The following DNAH8 variants were observed in gnomAD, a reference collection of about 807,000 sequenced individuals.
DNAH8 encodes the protein axonemal beta dynein heavy chain 8.
A neutral mutation model predicts 562.1 loss-of-function variants in DNAH8; 382 were observed. The observed-to-expected ratio is 0.68, with a 90% CI of 0.63 to 0.74. The LOEUF (loss-of-function observed/expected upper bound fraction) is 0.74, where lower values mean the gene tolerates loss of function less well. Among genes scored for constraint, DNAH8 ranks in the 30% least tolerant of loss-of-function variants. DNAH8 has a pLI of 0.00. For missense variants in DNAH8, 5,203 were observed against 5,620.4 expected, an observed-to-expected ratio of 0.93 and a Z score of 2.37; for synonymous variants, 1,881 against 1,919.4, an observed-to-expected ratio of 0.98 and a Z score of 0.52.
Position 38,745,891 on chromosome 6 carries a change from C to T in DNAH8, c.1293+4004C>T, listed in dbSNP as rs77514185. Among the ~76,000 whole-genome samples, 898 of 152,304 alleles carry T rather than the reference C, an allele frequency of 5.9e-3. 6 individuals are homozygous for T. Among genetic ancestry groups the T allele is most frequent in the African/African-American group, 0.021 (858 of 41,552 alleles). On this transcript the variant is annotated intron_variant, in intron 8 of 92. Transcript: ENST00000327475. The stretch of plus-strand genomic sequence containing the variant: ...CAGAGTTGATGTGCTCTTCCCAGTA[C>T]GACTTACCAGGCGGTCCATTATATT...
At chr6:38,734,341 A>C in intron 4 of DNAH8, 133 bp from the exon 5 acceptor site, 1 of 791,780 alleles carries the variant, frequency 1.3e-6, no homozygotes, top group Non-Finnish European at 1.7e-6. Context: ...CCCCCAAAAA[A>C]ATTATTCTAT....
intron 8 of DNAH8, among the ~76,000 whole-genome samples, chr6:38,745,161 T>C (rs1764824437): frequency 6.6e-6 from 1 of 152,184 alleles, no homozygotes; most frequent in South Asian, 2.1e-4. Context: ...AAACTCAGTA[T>C]TCCTCACCTG....
At chr6:38,969,655 GGAT>G (rs1387600463) in intron 82 of DNAH8, among the ~76,000 whole-genome samples, 2 of 148,064 alleles carry the variant, frequency 1.4e-5, no homozygotes, top group Non-Finnish European at 1.5e-5. Context: ...AGGCTGTTAT[GGAT>G]GGAGGAAAGT....
chr6:38,947,193 ACTC>A (rs1761502394), intron 80 of DNAH8, among the ~76,000 whole-genome samples: 1 of 151,858 alleles, frequency 6.6e-6, no homozygotes, highest in Non-Finnish European at 1.5e-5. Context: ...TTTCTCTCCC[ACTC>A]CTCTTACACC....
Position 38,778,483 on chromosome 6 carries a change from G to A in DNAH8, c.2039+19G>A. 8 of 1,446,066 alleles carry A rather than the reference G, an allele frequency of 5.5e-6. No individual in the cohort carries two copies. Among genetic ancestry groups the A allele is most frequent in the East Asian group, 4.6e-5 (2 of 43,738 alleles). The allele number at this position is 1,446,066 out of a possible 1,614,324, so 89.6% of individuals were successfully genotyped here. On this transcript the variant is annotated intron_variant, in intron 14 of 92. Coordinates refer to ENST00000327475, the MANE Select transcript of DNAH8 (RefSeq NM_001206927.2). ...TTCAAAGGTATTCATAACACTTTAAGCAGAGTAGTTTCTGGGGGGAATAAC... is the reference window on the plus strand; with the variant it reads ...TTCAAAGGTATTCATAACACTTTAAACAGAGTAGTTTCTGGGGGGAATAAC...
chr6:38,834,108 C>G (rs1179143649), intron 31 of DNAH8, among the ~76,000 whole-genome samples: 1 of 152,132 alleles, frequency 6.6e-6, no homozygotes, highest in Non-Finnish European at 1.5e-5. Flanking sequence ...TTGGGCTGAA[C>G]AGTTATTAAA....
rs765217828 is a variant in DNAH8 at position 38,737,081 on chromosome 6, T to A, written c.777T>A (p.Thr259=). Residue 259 remains threonine (T), a synonymous_variant, in exon 6 of 93, where the codon ACT becomes ACA. Coordinates refer to ENST00000327475, the MANE Select transcript of DNAH8 (RefSeq NM_001206927.2). ...CACCCTTTCAGGAAGCGCTCTTTAC[T>A]GTTCTGGATGCGTCGAAAGGACTCT... ...VKTIQEEALF[T]VLDASKGLLN... is the part of the protein sequence containing the mutation. 1.3e-6 allele frequency: 2 copies of A among 1,532,750 alleles called. No individual in the cohort carries two copies. The highest frequency in any genetic ancestry group is 1.7e-6 in the Non-Finnish European group (2 of 1,148,452). The allele number at this position is 1,532,750 out of a possible 1,614,324, so 94.9% of individuals were successfully genotyped here.
intron 26 of DNAH8, among the ~76,000 whole-genome samples, chr6:38,819,589 G>T (rs1772625245): frequency 6.6e-6 from 1 of 151,962 alleles, no homozygotes; most frequent in African/African-American, 2.4e-5. Context: ...ATAAAATGAA[G>T]AATAAAGAAG....
At chr6:38,845,859 C>A in intron 36 of DNAH8, 86 bp downstream of exon 36, 1 of 1,119,864 alleles carries the variant, frequency 8.9e-7, no homozygotes, top group Non-Finnish European at 1.3e-6. Flanking sequence ...AAAGCTCTTT[C>A]ATTGGATGGA....
chr6:38,773,078 A>G (rs1055506744), intron 12 of DNAH8, among the ~76,000 whole-genome samples: 3 of 147,002 alleles, frequency 2.0e-5, no homozygotes, highest in Admixed American at 7.0e-5. Flanking sequence ...CAGCCTCCCA[A>G]AGTGCTGGAA....
intron 5 of DNAH8, among the ~76,000 whole-genome samples, chr6:38,736,263 A>T (rs900277824): frequency 3.3e-5 from 5 of 152,196 alleles, no homozygotes; most frequent in African/African-American, 1.2e-4. Flanking sequence ...ACTTAGCTAA[A>T]TATTTGTTTA....
chr6:38,982,636 C>CA (rs1561941166), intron 86 of DNAH8, among the ~76,000 whole-genome samples, 174 bp downstream of exon 86: 1 of 152,182 alleles, frequency 6.6e-6, no homozygotes, highest in African/African-American at 2.4e-5. Flanking sequence ...CTGCCCCCAA[C>CA]ACTCACATAC....
Position 38,857,551 on chromosome 6 carries a change from C to T in DNAH8, c.5767C>T (p.His1923Tyr). The part of the protein sequence containing the change: ...GLLGIQMLWT[H>Y]DSEEALRNAK... ...TCTGGGAATTCAGATGTTGTGGACA[C>T]ACGATTCAGAAGAGGCTTTACGTAA... The change falls in exon 42 of 93, where the codon CAC (histidine) becomes TAC (tyrosine). Residue 1923 changes from histidine (H) to tyrosine (Y), a missense_variant. Physicochemically the swap from His to Tyr is moderately conservative, Grantham distance 83 (BLOSUM62 2). Around this residue, in one of 6 missense-constraint regions of DNAH8, gnomAD observed 2,176 missense variants for 2,365.1 expected, o/e 0.92. Transcript: ENST00000327475. The T allele has an allele frequency of 1.9e-6, 3 of 1,613,544 alleles. No individual in the cohort carries two copies. Among genetic ancestry groups the T allele is most frequent in the Non-Finnish European group, 1.7e-6 (2 of 1,179,688 alleles).
chr6:38,844,060 C>G (rs1429146607), intron 35 of DNAH8, among the ~76,000 whole-genome samples: 1 of 152,058 alleles, frequency 6.6e-6, no homozygotes, highest in African/African-American at 2.4e-5. Flanking sequence ...GTCCACAGTT[C>G]CATTAAATCT....
At chr6:38,925,481 C>A (rs1782047174) in intron 73 of DNAH8, among the ~76,000 whole-genome samples, 1 of 151,914 alleles carries the variant, frequency 6.6e-6, no homozygotes, top group Admixed American at 6.6e-5. Flanking sequence ...TAGGCATGAA[C>A]CACTGCGCCT....
At chr6:38,908,234 T>C in intron 64 of DNAH8, 114 bp downstream of exon 64, 5 of 599,930 alleles carry the variant, frequency 8.3e-6, no homozygotes, top group Non-Finnish European at 1.1e-5. Flanking sequence ...TTACATTGAA[T>C]TAAAATTAAC....
chr6:39,030,611 A>T lies in DNAH8; in HGVS notation c.*219A>T. The T allele has an allele frequency of 2.0e-6, 1 of 488,592 alleles. No individual in the cohort carries two copies. The highest frequency in any genetic ancestry group is 3.6e-6 in the Non-Finnish European group (1 of 277,310). The allele number at this position is 488,592 out of a possible 1,614,324, so 30.3% of individuals were successfully genotyped here. ...TGAATGTTTTTTATTCTGGGAAATC[A>T]TATTTCACTATAATTACTTTTTAAA... On this transcript the variant is annotated 3_prime_UTR_variant, in exon 93 of 93. Transcript: ENST00000327475.
At chr6:38,779,393 GTCTC>G (rs1224484685) in intron 14 of DNAH8, among the ~76,000 whole-genome samples, 4 of 151,262 alleles carry the variant, frequency 2.6e-5, no homozygotes, top group Non-Finnish European at 3.0e-5. Context: ...CTCTCTTTCT[GTCTC>G]TCTCTCTCTC....
intron 83 of DNAH8, among the ~76,000 whole-genome samples, chr6:38,972,884 T>C (rs1424415931): frequency 6.6e-6 from 1 of 152,174 alleles, no homozygotes; most frequent in African/African-American, 2.4e-5. Flanking sequence ...AGACGGCACA[T>C]CCCCTTTACT....
Sources: gnomAD v4.1 joint callset for allele counts (sites outside exome capture counted in the v4.1 genomes callset) on GRCh38, gnomAD v4.1.1 for gene constraint, gnomAD v4.1.1 regional missense constraint, MANE v1.5 for transcripts, NCBI Gene and HGNC (gene_info 2026-07-23, HGNC 2026-07-21) for gene names.